GTF3C1: variants seen among roughly 807,000 people sequenced by gnomAD.
GTF3C1 encodes the protein general transcription factor IIIC subunit 1, also known as general transcription factor 3C polypeptide 1.
GTF3C1 carries 57 observed loss-of-function variants against 226.7 expected under a neutral mutation model. The ratio of observed to expected loss-of-function variants is 0.25; its 90% CI spans 0.20 to 0.31. The LOEUF (loss-of-function observed/expected upper bound fraction) is 0.31, where lower values mean the gene tolerates loss of function less well. GTF3C1 is among the 10% of genes least tolerant of loss of function. The probability of loss-of-function intolerance (pLI) is 1.00; values close to 1 mark genes in which losing one functional copy is unlikely to be tolerated. For missense variants in GTF3C1, 2,217 were observed against 2,776.1 expected, an observed-to-expected ratio of 0.80 and a Z score of 4.53; for synonymous variants, 1,090 against 1,084.8, an observed-to-expected ratio of 1.00 and a Z score of -0.09.
At chr16:27,539,708 C>CT (rs1353347513) in intron 2 of GTF3C1, among the ~76,000 whole-genome samples, 1 of 152,154 alleles carries the variant, frequency 6.6e-6, no homozygotes, top group Non-Finnish European at 1.5e-5. Flanking sequence ...GAGGAAGAAT[C>CT]TTTAAGAGGT....
intron 2 of GTF3C1, among the ~76,000 whole-genome samples, chr16:27,539,211 C>A (rs1024824259): frequency 6.6e-6 from 1 of 152,146 alleles, no homozygotes; most frequent in South Asian, 2.1e-4. Context: ...GTCAAAAGCA[C>A]TGAACGGTGC....
At chr16:27,549,499 C>T (rs1167152955) in intron 1 of GTF3C1, among the ~76,000 whole-genome samples, 171 bp downstream of exon 1, 1 of 152,186 alleles carries the variant, frequency 6.6e-6, no homozygotes, top group African/African-American at 2.4e-5. Flanking sequence ...ACTCCAGGGC[C>T]CTGCCAGGCC....
At chr16:27,529,169 T>A (rs907046672) in intron 5 of GTF3C1, among the ~76,000 whole-genome samples, 2 of 152,042 alleles carry the variant, frequency 1.3e-5, no homozygotes, top group African/African-American at 4.8e-5. Flanking sequence ...ACAGGCTGGG[T>A]GCAGTGGCTG....
intron 21 of GTF3C1, among the ~76,000 whole-genome samples, 182 bp downstream of exon 21, chr16:27,488,861 C>A (rs2088185588): frequency 6.6e-6 from 1 of 152,218 alleles, no homozygotes; most frequent in Admixed American, 6.5e-5. Context: ...GAATACCTGT[C>A]CACGTCACAG....
At position 27,475,279 on chromosome 16, in the gene GTF3C1, C is replaced by G. The variant is rs1428220485; in HGVS notation, c.4353+1172G>C. Among the ~76,000 whole-genome samples the G allele has an allele frequency of 2.6e-5, 4 of 152,218 alleles. 1 individual carries two copies. The highest frequency in any genetic ancestry group is 4.1e-4 in the South Asian group (2 of 4,828). ...GCTTGGGCTTAACATGCTATAAGATCTCTCTGTGGACTGTGAGGCGCCCTA... is the reference window on the plus strand; with the variant it reads ...GCTTGGGCTTAACATGCTATAAGATGTCTCTGTGGACTGTGAGGCGCCCTA... On this transcript the variant is annotated intron_variant, in intron 29 of 36. Transcript: ENST00000356183.
Position 27,545,457 on chromosome 16 carries a change from A to G in GTF3C1, c.288T>C (p.Asp96=), listed in dbSNP as rs1320091426. The stretch of plus-strand genomic sequence containing the variant: ...CTAAGATCATATGAATGGGGTAGAC[A>G]TCCTCCAAAGCCACCGGGTCCCTCC... ...ESRRDPVALE[D]VYPIHMILEN... Residue 96 remains aspartate, a synonymous_variant, in exon 2 of 37, where the codon GAT becomes GAC. Transcript: ENST00000356183. 1.9e-6 allele frequency: 3 copies of G among 1,612,484 alleles called. No individual in the cohort carries two copies. Among genetic ancestry groups the G allele is most frequent in the Non-Finnish European group, 2.5e-6 (3 of 1,178,480 alleles).
intron 27 of GTF3C1, chr16:27,480,819 C>T (rs1327077428): frequency 8.9e-6 from 4 of 447,688 alleles, no homozygotes; most frequent in Non-Finnish European, 1.2e-5. Flanking sequence ...GTAAAGTAAG[C>T]AAACCTAGCA....
chr16:27,527,888 C>T (rs999746882), intron 6 of GTF3C1, among the ~76,000 whole-genome samples: 6 of 151,408 alleles, frequency 4.0e-5, no homozygotes, highest in Admixed American at 3.3e-4. Context: ...GCGGGAGGAT[C>T]GTTTGAGCCC....
intron 6 of GTF3C1, among the ~76,000 whole-genome samples, chr16:27,517,169 A>G (rs1293519056): frequency 6.6e-6 from 1 of 152,166 alleles, no homozygotes; most frequent in Non-Finnish European, 1.5e-5. Flanking sequence ...ACGACGGAAC[A>G]GTGTAGTGTG....
chr16:27,461,268 G>A lies in GTF3C1; in HGVS notation c.*82C>T, dbSNP rs2087699001. On this transcript the variant is annotated 3_prime_UTR_variant, in exon 37 of 37. Transcript: ENST00000356183. The surrounding 1 kb of genome is among the most constrained non-coding windows in gnomAD (Gnocchi z 5.3). ...AGGAGGCTCGGCAGACCCAAGGCCA[G>A]GGCACAGTGGGGTCTGCCGAGCACC... 1 of 871,012 alleles carries A rather than the reference G, an allele frequency of 1.1e-6. No homozygotes were observed. Among genetic ancestry groups the A allele is most frequent in the Non-Finnish European group, 1.8e-6 (1 of 559,828 alleles). 54.0% of individuals were successfully genotyped at this position (871,012 alleles called of 1,614,324 possible). A position where few individuals can be genotyped will look rare whatever the true frequency, so the allele number is the denominator to read the frequency against.
In GTF3C1 at chr16:27,506,033, T is replaced by A. The variant is rs2088479689; in HGVS notation, c.1636A>T (p.Ser546Cys). 2 of 1,613,166 alleles carry A rather than the reference T, an allele frequency of 1.2e-6. No individual in the cohort carries two copies. The highest frequency in any genetic ancestry group is 1.7e-5 in the Admixed American group (1 of 60,010). Residue 546 changes from serine to cysteine, a missense_variant, in exon 10 of 37, where the codon AGC becomes TGC. Physicochemically the swap from Ser to Cys is moderately radical, Grantham distance 112. Coordinates refer to ENST00000356183, the MANE Select transcript of GTF3C1 (RefSeq NM_001520.4). ...AAGAGGCTGTCCCTGCTGGCAAGGCTCTGGCAGGCTCTCTCTTCAGCAGCT... is the reference window on the plus strand; with the variant it reads ...AAGAGGCTGTCCCTGCTGGCAAGGCACTGGCAGGCTCTCTCTTCAGCAGCT... The part of the protein sequence containing the change: ...PGAAEERACQ[S>C]LASRDSLLDT...
chr16:27,483,419 C>T, intron 25 of GTF3C1: 1 of 557,020 alleles, frequency 1.8e-6, no homozygotes. Context: ...TTGTCCAGGA[C>T]CATATGGGCT....
chr16:27,485,087 A>G (rs977218458), intron 24 of GTF3C1, among the ~76,000 whole-genome samples: 1 of 152,270 alleles, frequency 6.6e-6, no homozygotes, highest in Non-Finnish European at 1.5e-5. Flanking sequence ...GTCACCTTTC[A>G]GGTTCTTCCT....
Position 27,471,206 on chromosome 16 carries a change from G to A in GTF3C1, c.4526+542C>T, listed in dbSNP as rs1032332180. Among the ~76,000 whole-genome samples, 5 of 152,244 alleles carry A rather than the reference G, an allele frequency of 3.3e-5. No homozygotes were observed. Among genetic ancestry groups the A allele is most frequent in the Non-Finnish European group, 5.9e-5 (4 of 68,042 alleles). On this transcript the variant is annotated intron_variant, in intron 30 of 36. Transcript: ENST00000356183. This position sits in a 1 kb window ranked among gnomAD's most constrained non-coding sequence, Gnocchi z 5.0. ...GGAAGCCGTCAAGACGGCAGCTTAG[G>A]AATGTTCTCAGGGACTCTCTGCGTG...
At position 27,463,587 on chromosome 16, in the gene GTF3C1, T is replaced by A; in HGVS notation, c.5878A>T (p.Thr1960Ser). 6.3e-7 allele frequency: 1 copy of A among 1,595,914 alleles called. No individual in the cohort carries two copies. The highest frequency in any genetic ancestry group is 8.6e-7 in the Non-Finnish European group (1 of 1,163,480). ...PEGSEDPRGF[T>S]ESFGAANISQ... The stretch of plus-strand genomic sequence containing the variant: ...ATGTTGGCAGCTCCGAAACTCTCTG[T>A]GAACCCTGAGGGAAGAGGAAGAGAA... The change falls in exon 35 of 37, where the codon ACA (threonine) becomes TCA (serine). Residue 1960 changes from threonine (T) to serine (S), a missense_variant. Transcript: ENST00000356183. The surrounding 1 kb of genome is among the most constrained non-coding windows in gnomAD (Gnocchi z 4.9).
chr16:27,484,283 T>C lies in GTF3C1; in HGVS notation c.3929A>G (p.Asp1310Gly), dbSNP rs2088101151. The C allele has an allele frequency of 1.2e-6, 2 of 1,607,168 alleles. No homozygotes were observed. The highest frequency in any genetic ancestry group is 1.3e-5 in the African/African-American group (1 of 74,768). ...TCGTCCAACGGAATGAGATGTTTTA[T>C]CCAAAGACTCTTCAAACGTGGCATG... ...ILHATFEESL[D>G]KTSHSVGRRA... is the part of the protein sequence containing the mutation. Residue 1310 changes from aspartate (D) to glycine (G), a missense_variant, in exon 25 of 37, where the codon GAT becomes GGT. Asp to Gly is a moderately conservative substitution (Grantham distance 94, BLOSUM62 -1). Coordinates refer to ENST00000356183, the MANE Select transcript of GTF3C1 (RefSeq NM_001520.4).
rs1276941395 is a variant in GTF3C1 at position 27,465,548 on chromosome 16, GAC to G, written c.5075-10_5075-9del. The G allele has an allele frequency of 7.5e-6, 12 of 1,591,758 alleles. 1 individual carries two copies. Among genetic ancestry groups the G allele is most frequent in the Middle Eastern group, 3.4e-4 (2 of 5,908 alleles). ...GCTCTTCCAGAGGAGCGGCTGTGGG[GAC>G]ACAGAGGAAGATCAGAGGCAGCCCG... On this transcript the variant is annotated splice_polypyrimidine_tract_variant and intron_variant, in intron 32 of 36. Transcript: ENST00000356183.
chr16:27,549,535 G>T, intron 1 of GTF3C1, 135 bp downstream of exon 1: 1 of 623,468 alleles, frequency 1.6e-6, no homozygotes, highest in Non-Finnish European at 2.8e-6. Context: ...TAGCCTTACC[G>T]CCGTGCCCCA....
chr16:27,538,592 T>G (rs1160940332), intron 2 of GTF3C1, among the ~76,000 whole-genome samples: 3 of 152,196 alleles, frequency 2.0e-5, no homozygotes, highest in African/African-American at 7.2e-5. Context: ...CTTATTTCCT[T>G]GCTGATAGCC....
Sources: allele counts gnomAD v4.1 joint callset (sites outside exome capture counted in the v4.1 genomes callset), GRCh38; gene constraint gnomAD v4.1.1; non-coding constraint Gnocchi (gnomAD v3.1); transcripts MANE v1.5; gene names NCBI Gene and HGNC (gene_info 2026-07-23, HGNC 2026-07-21).